PHTF2: variants seen among roughly 807,000 people sequenced by gnomAD.
PHTF2 encodes putative homeodomain transcription factor 2, also known as protein PHTF2.
In PHTF2, 60 loss-of-function variants were observed where a neutral mutation model predicts 101.2. The observed-to-expected ratio is 0.59, with a 90% CI of 0.48 to 0.73. PHTF2 has a LOEUF of 0.73. PHTF2 is among the 30% of genes least tolerant of loss of function. The pLI is 0.00. For missense variants in PHTF2, 747 were observed against 908.7 expected (o/e 0.82, Z 2.29); for synonymous variants, 311 against 307.3 (o/e 1.01, Z -0.13).
At chr7:77,833,595 T>C (rs922793604) in intron 1 of PHTF2, among the ~76,000 whole-genome samples, 1 of 152,116 alleles carries the variant, frequency 6.6e-6, no homozygotes, top group Non-Finnish European at 1.5e-5. Flanking sequence ...ACTCCATCTC[T>C]CTCTACAAAA....
At chr7:77,931,566 A>T (rs1470867207) in intron 12 of PHTF2, among the ~76,000 whole-genome samples, 2 of 152,218 alleles carry the variant, frequency 1.3e-5, no homozygotes, top group Admixed American at 6.5e-5. Flanking sequence ...TTAAAACCTG[A>T]TAAATTTCAA....
chr7:77,875,520 A>G (rs1053689659), intron 3 of PHTF2, among the ~76,000 whole-genome samples: 153 of 142,724 alleles, frequency 1.1e-3, no homozygotes, highest in African/African-American at 4.0e-3. Flanking sequence ...TTGACTAATA[A>G]TAACAGGTAA....
At chr7:77,936,110 G>T (rs1050018218) in intron 12 of PHTF2, among the ~76,000 whole-genome samples, 2 of 151,956 alleles carry the variant, frequency 1.3e-5, no homozygotes, top group Non-Finnish European at 2.9e-5. Context: ...CTCTAGAAAA[G>T]ATAAAAATTT....
In PHTF2 at chr7:77,954,795, T is replaced by G. The variant is rs1806890803; in HGVS notation, c.2338-63T>G. ...ATTTGAATTTAAAAATGGTGTTATA[T>G]GATATAATTTAAGCTTTGATATTAA... On this transcript the variant is annotated intron_variant, in intron 19 of 19. Transcript: ENST00000416283. 4.1e-5 allele frequency: 36 copies of G among 867,746 alleles called. No homozygotes were observed. The South Asian group carries it at 5.1e-4, about 12-fold the overall frequency. 53.8% of individuals were successfully genotyped at this position (867,746 alleles called of 1,614,324 possible).
intron 3 of PHTF2, among the ~76,000 whole-genome samples, chr7:77,878,927 A>G (rs1799171505): frequency 6.6e-6 from 1 of 152,196 alleles, no homozygotes; most frequent in African/African-American, 2.4e-5. Context: ...AGATAGATCT[A>G]TCTAGATCTA....
intron 1 of PHTF2, among the ~76,000 whole-genome samples, chr7:77,811,805 A>T (rs963729681): frequency 6.6e-6 from 1 of 152,044 alleles, no homozygotes; most frequent in African/African-American, 2.4e-5. Flanking sequence ...TAGGTGTTAG[A>T]TGTGCTTATT....
At chr7:77,931,660 A>G (rs182130002) in intron 12 of PHTF2, among the ~76,000 whole-genome samples, 3 of 152,364 alleles carry the variant, frequency 2.0e-5, no homozygotes, top group Non-Finnish European at 2.9e-5. Context: ...GTCATTATAT[A>G]GTAAAGTTGA....
At chr7:77,900,880 C>A in intron 6 of PHTF2, 100 bp downstream of exon 5, 1 of 676,362 alleles carries the variant, frequency 1.5e-6, no homozygotes, top group Non-Finnish European at 2.6e-6. Flanking sequence ...TTTTGCATTG[C>A]TATAAAGAAA....
intron 1 of PHTF2, among the ~76,000 whole-genome samples, chr7:77,810,951 T>C (rs12533286): frequency 0.022 from 3,369 of 152,258 alleles, 52 homozygotes; most frequent in Middle Eastern, 0.071. Context: ...TGGCCCAGGC[T>C]GGAATGCAAT....
intron 12 of PHTF2, among the ~76,000 whole-genome samples, chr7:77,932,619 A>T (rs150433833): frequency 0.058 from 6,464 of 111,178 alleles, 161 homozygotes; most frequent in East Asian, 0.068. Context: ...AGAGAGAGAG[A>T]GAGTGTGTGT....
chr7:77,808,358 T>C (rs1793155599), intron 1 of PHTF2, among the ~76,000 whole-genome samples: 1 of 152,210 alleles, frequency 6.6e-6, no homozygotes, highest in African/African-American at 2.4e-5. Flanking sequence ...AGCAGTGTTT[T>C]TAATAATAGA....
intron 7 of PHTF2, among the ~76,000 whole-genome samples, chr7:77,902,147 A>C (rs540634320): frequency 3.9e-5 from 6 of 152,324 alleles, no homozygotes; most frequent in Admixed American, 3.3e-4. Flanking sequence ...AAAAATAGAA[A>C]TCGAGAAGAT....
At chr7:77,839,959 A>G (rs1471292597) in intron 1 of PHTF2, among the ~76,000 whole-genome samples, 3 of 152,034 alleles carry the variant, frequency 2.0e-5, no homozygotes, top group Non-Finnish European at 1.5e-5. Flanking sequence ...TTTCTTTAAA[A>G]GATTAAAAAA....
chr7:77,937,755 A>C, exon 13 of PHTF2: 1 of 1,500,380 alleles, frequency 6.7e-7, no homozygotes, highest in African/African-American at 1.4e-5. Flanking sequence ...ATTAGAAAAA[A>C]TAAGTGCTAT....
At chr7:77,839,248 T>G (rs925666699) in intron 1 of PHTF2, among the ~76,000 whole-genome samples, 1 of 151,468 alleles carries the variant, frequency 6.6e-6, no homozygotes, top group Non-Finnish European at 1.5e-5. Flanking sequence ...TGAACCTGTT[T>G]TAGGCTCATC....
chr7:77,904,810 G>A (rs796514733), intron 7 of PHTF2, among the ~76,000 whole-genome samples: 8 of 152,306 alleles, frequency 5.3e-5, no homozygotes, highest in African/African-American at 1.9e-4. Flanking sequence ...GCATTTGTGT[G>A]GGGAGGATGA....
intron 3 of PHTF2, among the ~76,000 whole-genome samples, chr7:77,887,268 C>A (rs1326127527): frequency 6.6e-6 from 1 of 151,816 alleles, no homozygotes; most frequent in Non-Finnish European, 1.5e-5. Context: ...TTAGAACAGT[C>A]TTCAGTAGGT....
At chr7:77,859,739 T>C (rs1283592407) in intron 3 of PHTF2, among the ~76,000 whole-genome samples, 8 of 151,996 alleles carry the variant, frequency 5.3e-5, no homozygotes, top group African/African-American at 1.9e-4. Flanking sequence ...CTGGCTAATT[T>C]TTTTATTTTA....
intron 3 of PHTF2, among the ~76,000 whole-genome samples, chr7:77,871,436 GT>G (rs1029055003): frequency 2.0e-5 from 3 of 152,168 alleles, no homozygotes; most frequent in Non-Finnish European, 4.4e-5. Flanking sequence ...GTTTAATGGA[GT>G]TGTGTCTCCT....
Sources: allele counts gnomAD v4.1 joint callset (sites outside exome capture counted in the v4.1 genomes callset), GRCh38; gene constraint gnomAD v4.1.1; transcripts MANE v1.5; gene names NCBI Gene and HGNC (gene_info 2026-07-23, HGNC 2026-07-21).